The following NKAIN3 variants were observed in gnomAD, a reference collection of about 807,000 sequenced individuals.
NKAIN3 encodes sodium/potassium transporting ATPase interacting 3, also known as sodium/potassium-transporting ATPase subunit beta-1-interacting protein 3.
NKAIN3 carries 25 observed loss-of-function variants against 30.2 expected under a neutral mutation model. The observed-to-expected ratio is 0.83, with a 90% CI of 0.60 to 1.16. The LOEUF (loss-of-function observed/expected upper bound fraction) is 1.16. NKAIN3 is among the 50% of genes most tolerant of loss of function. NKAIN3 has a pLI of 0.00. For missense variants in NKAIN3, 225 were observed against 254.1 expected (o/e 0.89, Z 0.78); for synonymous variants, 91 against 89.6 (o/e 1.02, Z -0.09).
chr8:62,667,992 G>A (rs546878401), intron 3 of NKAIN3, among the ~76,000 whole-genome samples: 1 of 152,112 alleles, frequency 6.6e-6, no homozygotes, highest in East Asian at 1.9e-4. Flanking sequence ...CATCTCCTCT[G>A]TCTTCCCATT....
In NKAIN3 at chr8:62,525,225, A is replaced by G. The variant is rs906900988; in HGVS notation, c.55-54314A>G. ...ATTTTTTTCAAATGCTTACACAAGG[A>G]TGCATACTTAAAAGTGAATTGTAAC... On this transcript the variant is annotated intron_variant, in intron 1 of 6. Transcript: ENST00000623646. 3.9e-5 allele frequency among the ~76,000 whole-genome samples: 6 copies of G among 152,316 alleles called. No individual in the cohort carries two copies. The South Asian group carries it at 1.2e-3, about 32-fold the overall frequency.
At chr8:62,335,001 G>A (rs1396507333) in intron 1 of NKAIN3, among the ~76,000 whole-genome samples, 1 of 152,048 alleles carries the variant, frequency 6.6e-6, no homozygotes, top group African/African-American at 2.4e-5. Flanking sequence ...CCCCAAACTG[G>A]CACAGCATAG....
At chr8:62,682,760 ATCTTCCTGGGAACATAAC>A in intron 3 of NKAIN3, among the ~76,000 whole-genome samples, 1 of 151,970 alleles carries the variant, frequency 6.6e-6, no homozygotes, top group East Asian at 1.9e-4. Flanking sequence ...GGCAGCCATA[ATCTTCCTGGGAACATAAC>A]TCCATTGACC....
chr8:62,595,799 G>A (rs982673120), intron 3 of NKAIN3, among the ~76,000 whole-genome samples: 2 of 151,968 alleles, frequency 1.3e-5, no homozygotes, highest in African/African-American at 4.8e-5. Context: ...CTCGGGAGGG[G>A]TGCCTTCGAT....
intron 3 of NKAIN3, among the ~76,000 whole-genome samples, chr8:62,606,816 A>C (rs986952981): frequency 6.6e-6 from 1 of 152,132 alleles, no homozygotes; most frequent in Admixed American, 6.6e-5. Context: ...TTGAGAAGAT[A>C]CTCTGTCCTG....
intron 3 of NKAIN3, among the ~76,000 whole-genome samples, chr8:62,696,561 A>G (rs962302656): frequency 6.6e-6 from 1 of 152,234 alleles, no homozygotes; most frequent in Non-Finnish European, 1.5e-5. Flanking sequence ...ATGCATAAAG[A>G]CAAAGTCATT....
intron 1 of NKAIN3, among the ~76,000 whole-genome samples, chr8:62,396,474 T>C (rs1377126829): frequency 2.0e-5 from 3 of 152,210 alleles, no homozygotes; most frequent in Non-Finnish European, 4.4e-5. Flanking sequence ...CAGAATTAAT[T>C]CTCAGATATT....
chr8:62,598,731 G>A (rs1810908531), intron 3 of NKAIN3, among the ~76,000 whole-genome samples: 2 of 152,110 alleles, frequency 1.3e-5, no homozygotes. Context: ...CTGTGTTGGA[G>A]GGACAACAGA....
chr8:62,801,405 C>T (rs1342280156), intron 4 of NKAIN3, among the ~76,000 whole-genome samples: 1 of 152,214 alleles, frequency 6.6e-6, no homozygotes, highest in Non-Finnish European at 1.5e-5. Context: ...CAGCCAGGTA[C>T]TCTTCTGAGA....
At chr8:62,394,349 G>C (rs1563378361) in intron 1 of NKAIN3, among the ~76,000 whole-genome samples, 1 of 151,732 alleles carries the variant, frequency 6.6e-6, no homozygotes, top group Non-Finnish European at 1.5e-5. Context: ...TAGGTAATAT[G>C]CTTAGATACG....
At chr8:62,850,299 G>C (rs538669981) in intron 4 of NKAIN3, among the ~76,000 whole-genome samples, 18 of 152,028 alleles carry the variant, frequency 1.2e-4, no homozygotes, top group Non-Finnish European at 2.2e-4. Flanking sequence ...TTTTGATGGG[G>C]TTGTTTGTTT....
intron 1 of NKAIN3, among the ~76,000 whole-genome samples, chr8:62,265,583 A>T (rs1585611883): frequency 6.6e-6 from 1 of 152,174 alleles, no homozygotes; most frequent in Admixed American, 6.5e-5. Context: ...CTTTATTTAA[A>T]TATGAAAGTA....
At chr8:62,550,763 C>A (rs1809179223) in intron 1 of NKAIN3, among the ~76,000 whole-genome samples, 1 of 152,128 alleles carries the variant, frequency 6.6e-6, no homozygotes, top group African/African-American at 2.4e-5. Flanking sequence ...ACAGAATCTC[C>A]TTTGTTATAG....
intron 4 of NKAIN3, among the ~76,000 whole-genome samples, chr8:62,771,908 A>G (rs1339213187): frequency 1.3e-5 from 2 of 152,188 alleles, no homozygotes; most frequent in African/African-American, 4.8e-5. Context: ...TCTTTGTGTT[A>G]CAAACAATCC....
At position 62,918,523 on chromosome 8, in the gene NKAIN3, G is replaced by C; in HGVS notation, c.532+10G>C. ...GAAGAAGAAGACACATGTAAGTACT[G>C]TTTTCTCTCTCCCTGTGGGTTCCTT... On this transcript the variant is annotated intron_variant, in intron 5 of 6. Coordinates refer to ENST00000623646, the MANE Select transcript of NKAIN3 (RefSeq NM_001304533.3). The C allele has an allele frequency of 6.3e-7, 1 of 1,595,074 alleles. No individual in the cohort carries two copies. Among genetic ancestry groups the C allele is most frequent in the Non-Finnish European group, 8.6e-7 (1 of 1,163,032 alleles).
Position 62,981,956 on chromosome 8 carries a change from A to G in NKAIN3, c.*16549A>G, listed in dbSNP as rs1824091860. ...AAATGAAATAATTTTCAAGCACATA[A>G]CAGATTAGAAACAGAGAATGAGAAA... On this transcript the variant is annotated 3_prime_UTR_variant, in exon 7 of 7. Transcript: ENST00000623646. 6.6e-6 allele frequency: 1 copy of G among 152,192 alleles called. No homozygotes were observed. Among genetic ancestry groups the G allele is most frequent in the African/African-American group, 2.4e-5 (1 of 41,466 alleles). The allele number at this position is 152,192 out of a possible 1,614,324, so 9.4% of individuals were successfully genotyped here.
intron 1 of NKAIN3, among the ~76,000 whole-genome samples, chr8:62,384,611 C>T (rs927630367): frequency 4.6e-5 from 7 of 151,912 alleles, no homozygotes; most frequent in African/African-American, 1.5e-4. Flanking sequence ...TGTAGGAGGA[C>T]CCAGGCAGAT....
At chr8:62,694,734 A>G (rs561210521) in intron 3 of NKAIN3, among the ~76,000 whole-genome samples, 3 of 152,206 alleles carry the variant, frequency 2.0e-5, no homozygotes, top group Non-Finnish European at 4.4e-5. Flanking sequence ...CCAGCAAATG[A>G]GTAGAACACT....
At chr8:62,631,370 G>T (rs1392060807) in intron 3 of NKAIN3, among the ~76,000 whole-genome samples, 1 of 152,030 alleles carries the variant, frequency 6.6e-6, no homozygotes, top group Non-Finnish European at 1.5e-5. Flanking sequence ...GAGGGATGCT[G>T]TCCTTCACCC....
Sources: allele counts gnomAD v4.1 joint callset (sites outside exome capture counted in the v4.1 genomes callset), GRCh38; gene constraint gnomAD v4.1.1; transcripts MANE v1.5; gene names NCBI Gene and HGNC (gene_info 2026-07-23, HGNC 2026-07-21).